ERMP1: variants seen among roughly 807,000 people sequenced by gnomAD.
ERMP1 encodes Felix-ina.
Under a neutral mutation model 92.0 loss-of-function variants are expected in ERMP1, and 86 were observed. That is an observed-to-expected ratio of 0.93 (90% CI 0.79 to 1.12). The LOEUF (loss-of-function observed/expected upper bound fraction) is 1.12. ERMP1 is among the 50% of genes most tolerant of loss of function. The pLI, the probability that ERMP1 is intolerant of heterozygous loss-of-function variation, is 0.00. For missense variants in ERMP1, 1,342 were observed against 1,116.3 expected (o/e 1.20, Z -2.88); for synonymous variants, 530 against 412.8 (o/e 1.28, Z -3.44).
chr9:5,798,373 T>C (rs376646418), intron 12 of ERMP1, among the ~76,000 whole-genome samples: 2 of 152,078 alleles, frequency 1.3e-5, no homozygotes, highest in African/African-American at 4.8e-5. Context: ...TGCACCACCA[T>C]GCCCGGCTAA....
Position 5,787,542 on chromosome 9 carries a change from G to GA in ERMP1, c.2437dup (p.Ser813PhefsTer14). The GA allele has an allele frequency of 6.2e-7, 1 of 1,614,116 alleles. No individual in the cohort carries two copies. ...GGTGCCATTGCCAAGAGACCACTGA[G>GA]AAAGTGTTGACCCTTTGTGGGCTCG... On this transcript the variant is annotated frameshift_variant, in exon 14 of 15. Coordinates refer to ENST00000339450, the MANE Select transcript of ERMP1 (RefSeq NM_024896.3). LOFTEE classifies it high-confidence loss of function.
In ERMP1 at chr9:5,832,838, C is replaced by A. The variant is rs902016612; in HGVS notation, c.190G>T (p.Ala64Ser). ...CGCACCTCAGACAGCCCGGTCCCCG[C>A]GCCCCTGCTCGCGCCGCCGCTACCC... The part of the protein sequence containing the change: ...PGGSGGASRG[A>S]GTGLSEVRAA... Residue 64 changes from alanine (A) to serine (S), a missense_variant, in exon 1 of 15, where the codon GCG (alanine) becomes TCG (serine). By Grantham distance (99) the Ala-to-Ser change is moderately conservative (BLOSUM62 1). Coordinates refer to ENST00000339450, the MANE Select transcript of ERMP1 (RefSeq NM_024896.3). 6.7e-7 allele frequency: 1 copy of A among 1,501,840 alleles called. No individual in the cohort carries two copies. The highest frequency in any genetic ancestry group is 8.8e-7 in the Non-Finnish European group (1 of 1,133,606). The allele number at this position is 1,501,840 out of a possible 1,614,324, so 93.0% of individuals were successfully genotyped here. A position where few individuals can be genotyped will look rare whatever the true frequency, so the allele number is the denominator to read the frequency against.
chr9:5,810,246 A>T lies in ERMP1; in HGVS notation c.1328-15T>A, dbSNP rs1202874808. 6.3e-6 allele frequency: 10 copies of T among 1,599,278 alleles called. No individual in the cohort carries two copies. In the East Asian group the frequency reaches 2.2e-4, roughly 36 times the overall value. On this transcript the variant is annotated splice_polypyrimidine_tract_variant and intron_variant, in intron 7 of 14. Coordinates refer to ENST00000339450, the MANE Select transcript of ERMP1 (RefSeq NM_024896.3). The stretch of plus-strand genomic sequence containing the variant: ...GTAGTTACCAGCTAATGAAGAGAAA[A>T]CAAAAAGTTGAAATCACCATCTTCA...
chr9:5,829,139 CG>C (rs1012475195), intron 2 of ERMP1, among the ~76,000 whole-genome samples: 21 of 146,896 alleles, frequency 1.4e-4, no homozygotes, highest in African/African-American at 4.3e-4. Context: ...CGCTTAAACC[CG>C]GGAGGCAGAG....
chr9:5,813,096 T>C (rs1829168585), intron 4 of ERMP1, 61 bp from the exon 5 acceptor site: 1 of 1,577,346 alleles, frequency 6.3e-7, no homozygotes, highest in Non-Finnish European at 8.7e-7. Flanking sequence ...AACATACTAA[T>C]GTTTTTCAAC....
chr9:5,839,660 G>A (rs1235620282), intron 6 of ERMP1, among the ~76,000 whole-genome samples: 7 of 151,920 alleles, frequency 4.6e-5, no homozygotes. Context: ...ATCTCCTCCT[G>A]CAGCCCCCTG....
At chr9:5,796,974 G>T (rs977458494) in intron 13 of ERMP1, among the ~76,000 whole-genome samples, 1 of 152,092 alleles carries the variant, frequency 6.6e-6, no homozygotes, top group Non-Finnish European at 1.5e-5. Flanking sequence ...AAATCGGGGG[G>T]CAGGATATGA....
intron 10 of ERMP1, among the ~76,000 whole-genome samples, chr9:5,804,199 G>A (rs559357069): frequency 1.8e-4 from 27 of 152,252 alleles, no homozygotes; most frequent in Admixed American, 1.6e-3. Flanking sequence ...GTGCACCTCT[G>A]AGTGTTCAAT....
Position 5,819,614 on chromosome 9 carries a change from C to T in ERMP1, c.874+4282G>A, listed in dbSNP as rs182498219. On this transcript the variant is annotated intron_variant, in intron 4 of 14. Coordinates refer to ENST00000339450, the MANE Select transcript of ERMP1 (RefSeq NM_024896.3). ...TAAAAACTTTTGTCTTCCTTTACTG[C>T]CCTGGTTTACTATGGCACATAGTTT... Among the ~76,000 whole-genome samples, 219 of 152,290 alleles carry T rather than the reference C, an allele frequency of 1.4e-3. 3 individuals are homozygous for T. Among genetic ancestry groups the T allele is most frequent in the Admixed American group, 0.011 (164 of 15,286 alleles).
At chr9:5,833,157 G>A, upstream of ERMP1, 2 of 845,458 alleles carry the variant, frequency 2.4e-6, no homozygotes, top group South Asian at 4.5e-5. Context: ...AACTTCTTCT[G>A]ATTGGCCCGT....
chr9:5,808,664 C>G (rs1233444047), intron 8 of ERMP1, among the ~76,000 whole-genome samples: 2 of 152,240 alleles, frequency 1.3e-5, no homozygotes, highest in African/African-American at 4.8e-5. Context: ...CTTTAATTCA[C>G]ATAAACAATC....
At chr9:5,844,079 A>AC (rs1188373106) in intron 6 of ERMP1, among the ~76,000 whole-genome samples, 1 of 152,084 alleles carries the variant, frequency 6.6e-6, no homozygotes, top group East Asian at 1.9e-4. Context: ...CTACAATCAA[A>AC]CATACATTTC....
intron 12 of ERMP1, among the ~76,000 whole-genome samples, chr9:5,798,294 G>A (rs1828528098): frequency 2.0e-5 from 3 of 152,018 alleles, no homozygotes; most frequent in African/African-American, 4.8e-5. Context: ...TCGGCTCACC[G>A]CAACCTCCAC....
intron 13 of ERMP1, among the ~76,000 whole-genome samples, chr9:5,788,396 C>G (rs577459101): frequency 6.6e-6 from 1 of 152,038 alleles, no homozygotes; most frequent in Admixed American, 6.6e-5. Context: ...TCTTCAAAAC[C>G]AAAGCTTCTC....
At chr9:5,802,724 T>TGGACC (rs879575054) in intron 10 of ERMP1, among the ~76,000 whole-genome samples, 9 of 152,208 alleles carry the variant, frequency 5.9e-5, no homozygotes, top group Non-Finnish European at 1.3e-4. Context: ...TATTCTCTGC[T>TGGACC]GGACCTTCAT....
intron 5 of ERMP1, among the ~76,000 whole-genome samples, chr9:5,861,717 G>GTTTTTTTTTTTTTTTTTTT (rs34804675): frequency 1.5e-5 from 1 of 66,228 alleles, no homozygotes; most frequent in Non-Finnish European, 2.6e-5. Flanking sequence ...GAGAGGAAGG[G>GTTTTTTTTTTTTTTTTTTT]TTTTTTTTTT....
intron 8 of ERMP1, among the ~76,000 whole-genome samples, chr9:5,806,637 G>T (rs1246890416): frequency 6.6e-6 from 1 of 151,712 alleles, no homozygotes; most frequent in Non-Finnish European, 1.5e-5. Flanking sequence ...ACAGGGTCTT[G>T]CCATGTTGCT....
intron 6 of ERMP1, chr9:5,856,337 G>T: frequency 4.5e-6 from 1 of 223,662 alleles, no homozygotes. Context: ...TCTCCCGCAA[G>T]AAATGGCCAT....
chr9:5,842,139 G>C (rs1436859115), intron 6 of ERMP1, among the ~76,000 whole-genome samples: 1 of 152,180 alleles, frequency 6.6e-6, no homozygotes, highest in Non-Finnish European at 1.5e-5. Flanking sequence ...ACAGTGCAAG[G>C]GGACTGGAGC....
Sources: allele counts gnomAD v4.1 joint callset (sites outside exome capture counted in the v4.1 genomes callset), GRCh38; gene constraint gnomAD v4.1.1; transcripts MANE v1.5; gene names NCBI Gene and HGNC (gene_info 2026-07-23, HGNC 2026-07-21).